The following DPRX variants were observed in gnomAD, a reference collection of about 807,000 sequenced individuals.
DPRX encodes the protein divergent-paired related homeobox.
DPRX carries 11 observed loss-of-function variants against 8.4 expected under a neutral mutation model. The observed-to-expected ratio is 1.31, with a 90% CI of 0.82 to 2.17. DPRX has a LOEUF of 2.17. DPRX is among the 30% of genes most tolerant of loss of function. The pLI, the probability that DPRX is intolerant of heterozygous loss-of-function variation, is 0.00. For missense variants in DPRX, 211 were observed against 236.7 expected, an observed-to-expected ratio of 0.89 and a Z score of 0.71; for synonymous variants, 72 against 87.0, an observed-to-expected ratio of 0.83 and a Z score of 0.96.
the DPRX span, among the ~76,000 whole-genome samples, chr19:53,609,445 C>G: frequency 1.6e-5 from 2 of 125,450 alleles, no homozygotes; most frequent in South Asian, 5.3e-4. Flanking sequence ...TTAGCCTGGG[C>G]GACAGAGCGA....
chr19:53,628,037 T>TA (rs1392970421), upstream of DPRX, among the ~76,000 whole-genome samples: 5 of 151,284 alleles, frequency 3.3e-5, no homozygotes, highest in African/African-American at 9.7e-5. Context: ...ATCTCAAAAA[T>TA]AAAAAAAAAT....
At chr19:53,621,351 T>C in the DPRX span, among the ~76,000 whole-genome samples, 1 of 152,014 alleles carries the variant, frequency 6.6e-6, no homozygotes, top group African/African-American at 2.4e-5. Context: ...CAGATTGGTC[T>C]TGAACTCCTG....
chr19:53,626,502 T>A, the DPRX span, among the ~76,000 whole-genome samples: 2 of 152,108 alleles, frequency 1.3e-5, no homozygotes, highest in Admixed American at 1.3e-4. Flanking sequence ...TGCAGTGAGC[T>A]GGGATCACAG....
chr19:53,610,577 C>A, the DPRX span, among the ~76,000 whole-genome samples: 2 of 151,886 alleles, frequency 1.3e-5, no homozygotes, highest in Non-Finnish European at 2.9e-5. Context: ...AGTGAAGAAA[C>A]ACACCTGAAG....
the DPRX span, among the ~76,000 whole-genome samples, chr19:53,619,675 CAA>C: frequency 4.8e-5 from 4 of 83,962 alleles, no homozygotes; most frequent in Admixed American, 1.3e-4. Flanking sequence ...AACTTCATCT[CAA>C]AAAAAAAAAA....
chr19:53,623,096 G>A, the DPRX span, among the ~76,000 whole-genome samples: 6 of 151,442 alleles, frequency 4.0e-5, no homozygotes, highest in African/African-American at 1.5e-4. Flanking sequence ...ACGAGGTCAG[G>A]AGATCGAGAC....
the DPRX span, among the ~76,000 whole-genome samples, chr19:53,611,455 ACTCCTGGG>A: frequency 6.6e-6 from 1 of 150,752 alleles, no homozygotes; most frequent in Admixed American, 6.6e-5. Context: ...CTGGTCTTGG[ACTCCTGGG>A]CTGAAGTGAT....
chr19:53,602,599 T>C, the DPRX span, among the ~76,000 whole-genome samples: 15,800 of 150,942 alleles, frequency 0.1, 1,996 homozygotes, highest in African/African-American at 0.29. Flanking sequence ...AGTGGCGTGA[T>C]CTTGGCTCAC....
the DPRX span, among the ~76,000 whole-genome samples, chr19:53,610,818 G>A: frequency 6.6e-6 from 1 of 152,098 alleles, no homozygotes; most frequent in Non-Finnish European, 1.5e-5. Context: ...TTCTTCCAAT[G>A]TGGCCCAGGG....
the DPRX span, chr19:53,602,079 G>T: frequency 2.2e-6 from 1 of 456,724 alleles, no homozygotes; most frequent in Admixed American, 2.3e-5. Flanking sequence ...CAGCAACACA[G>T]CCGCTGCGAT....
At chr19:53,619,379 A>C in the DPRX span, among the ~76,000 whole-genome samples, 4 of 152,120 alleles carry the variant, frequency 2.6e-5, no homozygotes, top group South Asian at 4.1e-4. Context: ...TCTCTACTAA[A>C]AATGCAGAAA....
upstream of DPRX, among the ~76,000 whole-genome samples, chr19:53,629,412 A>G (rs754248556): frequency 3.5e-4 from 53 of 151,798 alleles, no homozygotes; most frequent in Non-Finnish European, 6.3e-4. Flanking sequence ...GCCAGCACAC[A>G]AAAGGTTACA....
chr19:53,629,977 CA>C (rs200725261), upstream of DPRX: 1 of 151,072 alleles, frequency 6.6e-6, no homozygotes, highest in South Asian at 2.1e-4. Context: ...GAGGCCAAGG[CA>C]GATGGATCAC....
chr19:53,630,142 G>A (rs1389338468), upstream of DPRX: 1 of 151,822 alleles, frequency 6.6e-6, no homozygotes, highest in African/African-American at 2.4e-5. Context: ...GAACCCAGGA[G>A]GCAGAGGTTG....
rs751623745 is a variant in DPRX at position 53,632,137 on chromosome 19, A to G, written c.28+3A>G. On this transcript the variant is annotated splice_donor_region_variant and intron_variant, in intron 1 of 2. Coordinates refer to ENST00000376650, the Ensembl canonical transcript of DPRX. ...AGGCTCAGAGGATCTTCGTAAAGGT[A>G]AGCCAGAAAAAATGAGAACCGAAGC... is the stretch of plus-strand genomic sequence containing the variant. 1 of 1,613,998 alleles carries G rather than the reference A, an allele frequency of 6.2e-7. No individual in the cohort carries two copies. The highest frequency in any genetic ancestry group is 1.1e-5 in the South Asian group (1 of 91,058).
the DPRX span, chr19:53,617,206 C>A: frequency 1.1e-6 from 1 of 883,852 alleles, no homozygotes; most frequent in Non-Finnish European, 1.9e-6. Context: ...GTTTTTTTCA[C>A]GGCTAGAGTA....
At chr19:53,633,315 A>G (rs1333580469) in intron 1 of DPRX, among the ~76,000 whole-genome samples, 1 of 152,196 alleles carries the variant, frequency 6.6e-6, no homozygotes, top group Middle Eastern at 3.2e-3. Context: ...CATCCGTGAC[A>G]GCAGTGATGT....
At chr19:53,619,615 C>A in the DPRX span, among the ~76,000 whole-genome samples, 1 of 150,126 alleles carries the variant, frequency 6.7e-6, no homozygotes, top group Admixed American at 6.7e-5. Flanking sequence ...GCGGAGGTTG[C>A]GATGAGCCGA....
chr19:53,631,745 G>C (rs2091093533), upstream of DPRX, among the ~76,000 whole-genome samples: 1 of 152,122 alleles, frequency 6.6e-6, no homozygotes, highest in East Asian at 1.9e-4. Context: ...GGGTGACAGA[G>C]TGGGACTCTG....
Sources: allele counts gnomAD v4.1 joint callset (sites outside exome capture counted in the v4.1 genomes callset), GRCh38; gene constraint gnomAD v4.1.1; transcripts MANE v1.5; gene names NCBI Gene and HGNC (gene_info 2026-07-23, HGNC 2026-07-21).